Variants in TRDN observed in about 807,000 individuals in gnomAD.
TRDN encodes the protein triadin in skeletal muscle.
In TRDN, 161 loss-of-function variants were observed where a neutral mutation model predicts 149.7. That is an observed-to-expected ratio of 1.08 (90% confidence interval 0.95 to 1.23). TRDN has a LOEUF of 1.23. TRDN is among the 50% of genes most tolerant of loss of function. TRDN has a pLI of 0.00. For missense variants in TRDN, 896 were observed against 823.5 expected (o/e 1.09, Z -1.08); for synonymous variants, 294 against 250.5 (o/e 1.17, Z -1.64).
At chr6:123,433,549 C>T (rs536505106) in intron 12 of TRDN, among the ~76,000 whole-genome samples, 1 of 151,820 alleles carries the variant, frequency 6.6e-6, no homozygotes, top group South Asian at 2.1e-4. Flanking sequence ...AATGAATGAA[C>T]ACATTCATTT....
intron 24 of TRDN, among the ~76,000 whole-genome samples, chr6:123,307,504 T>C (rs1778657762): frequency 6.6e-6 from 1 of 152,062 alleles, no homozygotes; most frequent in African/African-American, 2.4e-5. Flanking sequence ...CTCACAAAAG[T>C]AGTTTGTGCA....
In TRDN at chr6:123,382,118, C is replaced by A. The variant is rs768208179; in HGVS notation, c.1165G>T (p.Val389Leu). 4 of 1,495,182 alleles carry A rather than the reference C, an allele frequency of 2.7e-6. No homozygotes were observed. Among genetic ancestry groups the A allele is most frequent in the Admixed American group, 2.4e-5 (1 of 42,080 alleles). The allele number at this position is 1,495,182 out of a possible 1,614,324, so 92.6% of individuals were successfully genotyped here. The change falls in exon 15 of 41, where the codon GTA (valine) becomes TTA (leucine). Residue 389 changes from valine to leucine, a missense_variant and splice_region_variant. Val to Leu is a conservative substitution (Grantham distance 32). Coordinates refer to ENST00000334268, the MANE Select transcript of TRDN (RefSeq NM_006073.4). The part of the protein sequence containing the change: ...DSKKTKKPAE[V>L]EQPKGKKQEK... ...AGAAAAAAAGAAATATGTCCAGTAC[C>A]TTCTGCAGGTTTTTTTGTTTTCTTG...
At chr6:123,347,906 T>C (rs1780317293) in intron 21 of TRDN, among the ~76,000 whole-genome samples, 1 of 152,102 alleles carries the variant, frequency 6.6e-6, no homozygotes. Context: ...TGCTCTATTG[T>C]TCAAGCAGGT....
intron 1 of TRDN, among the ~76,000 whole-genome samples, chr6:123,631,307 C>A (rs1785991294): frequency 6.6e-6 from 1 of 151,944 alleles, no homozygotes. Context: ...AGCCATAGCA[C>A]TTTTTAGAAC....
At chr6:123,550,969 T>C (rs1302534085) in intron 2 of TRDN, among the ~76,000 whole-genome samples, 2 of 151,776 alleles carry the variant, frequency 1.3e-5, no homozygotes, top group Non-Finnish European at 2.9e-5. Context: ...TTTAAAAGAA[T>C]CATATGTAAG....
At chr6:123,466,476 TGCAG>T (rs1344449194) in intron 9 of TRDN, among the ~76,000 whole-genome samples, 7 of 152,146 alleles carry the variant, frequency 4.6e-5, no homozygotes, top group Non-Finnish European at 8.8e-5. Flanking sequence ...TGGATTTCAA[TGCAG>T]GTTCCCAAGT....
intron 24 of TRDN, among the ~76,000 whole-genome samples, chr6:123,310,313 A>G (rs1162619657): frequency 1.3e-5 from 2 of 152,040 alleles, no homozygotes; most frequent in South Asian, 2.1e-4. Context: ...GATAGGTACT[A>G]TAGATTGAGG....
At chr6:123,257,324 A>G (rs1039196144) in intron 35 of TRDN, among the ~76,000 whole-genome samples, 11 of 152,144 alleles carry the variant, frequency 7.2e-5, no homozygotes, top group Middle Eastern at 3.2e-3. Context: ...TATAAGGCAT[A>G]AGGAAGGTGT....
At chr6:123,405,507 G>A (rs1773157471) in intron 12 of TRDN, among the ~76,000 whole-genome samples, 1 of 152,124 alleles carries the variant, frequency 6.6e-6, no homozygotes, top group Non-Finnish European at 1.5e-5. Flanking sequence ...AGAATAAAAT[G>A]TTACAATGTA....
intron 7 of TRDN, among the ~76,000 whole-genome samples, chr6:123,506,974 T>C (rs1270512737): frequency 1.3e-5 from 2 of 152,166 alleles, no homozygotes; most frequent in Non-Finnish European, 2.9e-5. Flanking sequence ...TATTTTTGTA[T>C]CACCATAGTG....
chr6:123,570,807 G>A, intron 2 of TRDN, 116 bp downstream of exon 2: 1 of 828,762 alleles, frequency 1.2e-6, no homozygotes, highest in South Asian at 1.8e-5. Context: ...GCACATTTGT[G>A]GGGTGTTTCT....
At chr6:123,496,745 T>C (rs9372748) in intron 9 of TRDN, among the ~76,000 whole-genome samples, 126,298 of 152,050 alleles carry the variant, frequency 0.83, 52,655 homozygotes, top group East Asian at 0.88. Flanking sequence ...CAAGTTCATG[T>C]ATAAGGGAGA....
chr6:123,393,279 A>G (rs188194126), intron 13 of TRDN, among the ~76,000 whole-genome samples: 18 of 152,186 alleles, frequency 1.2e-4, no homozygotes, highest in African/African-American at 3.6e-4. Context: ...GTATACTGAA[A>G]ATTATAGAAA....
intron 24 of TRDN, among the ~76,000 whole-genome samples, chr6:123,289,797 C>T (rs9385292): frequency 0.18 from 28,056 of 152,018 alleles, 3,381 homozygotes; most frequent in East Asian, 0.62. Flanking sequence ...TGTAGTGAAG[C>T]CAGTGTCTAG....
At chr6:123,341,748 A>G (rs1780071579) in intron 21 of TRDN, among the ~76,000 whole-genome samples, 1 of 151,996 alleles carries the variant, frequency 6.6e-6, no homozygotes, top group African/African-American at 2.4e-5. Flanking sequence ...AAAAGCATCA[A>G]CTAGAAAATA....
At chr6:123,407,545 A>G (rs1358605284) in intron 12 of TRDN, among the ~76,000 whole-genome samples, 1 of 151,844 alleles carries the variant, frequency 6.6e-6, no homozygotes, top group Non-Finnish European at 1.5e-5. Context: ...ACATGTTTCT[A>G]TCTCTCCTCC....
intron 39 of TRDN, among the ~76,000 whole-genome samples, chr6:123,221,853 C>T (rs1335528275): frequency 2.0e-5 from 3 of 151,664 alleles, no homozygotes; most frequent in Non-Finnish European, 4.4e-5. Flanking sequence ...ATCTTTGATG[C>T]TCAGAATTAC....
chr6:123,247,615 G>T (rs1224534293), intron 38 of TRDN, among the ~76,000 whole-genome samples: 1 of 152,244 alleles, frequency 6.6e-6, no homozygotes, highest in East Asian at 1.9e-4. Flanking sequence ...CAAACAAATG[G>T]ATAAACATTC....
chr6:123,570,581 A>G (rs755052249), intron 2 of TRDN, among the ~76,000 whole-genome samples: 2 of 152,220 alleles, frequency 1.3e-5, no homozygotes, highest in African/African-American at 2.4e-5. Flanking sequence ...TAAAACCTAC[A>G]AATTATTCCT....
Sources: allele counts gnomAD v4.1 joint callset (sites outside exome capture counted in the v4.1 genomes callset), GRCh38; gene constraint gnomAD v4.1.1; transcripts MANE v1.5; gene names NCBI Gene and HGNC (gene_info 2026-07-23, HGNC 2026-07-21).